The following CDH17 variants were observed in gnomAD, a reference collection of about 807,000 sequenced individuals.
CDH17 encodes the protein cadherin 17, also known as cadherin-17.
In CDH17, 67 loss-of-function variants were observed where a neutral mutation model predicts 86.3. The observed-to-expected ratio is 0.78, with a 90% CI of 0.64 to 0.95. The LOEUF (loss-of-function observed/expected upper bound fraction) is 0.95, where lower values mean the gene tolerates loss of function less well. CDH17 is among the 40% of genes least tolerant of loss of function. The pLI is 0.00. For missense variants in CDH17, 993 were observed against 1,017.6 expected (o/e 0.98, Z 0.33); for synonymous variants, 367 against 366.4 (o/e 1.00, Z -0.02).
At chr8:94,206,823 G>T (rs937947706) in intron 1 of CDH17, among the ~76,000 whole-genome samples, 1 of 151,670 alleles carries the variant, frequency 6.6e-6, no homozygotes. Flanking sequence ...TAATTTTCTT[G>T]TACAGTCTGG....
chr8:94,159,758 G>A (rs1316473242), intron 12 of CDH17, among the ~76,000 whole-genome samples: 1 of 151,890 alleles, frequency 6.6e-6, no homozygotes, highest in East Asian at 1.9e-4. Context: ...AAAGTTACTT[G>A]GCTAGCTAGC....
At chr8:94,159,820 C>A (rs550224098) in intron 12 of CDH17, 151 bp downstream of exon 12, 3 of 522,508 alleles carry the variant, frequency 5.7e-6, no homozygotes, top group Non-Finnish European at 9.5e-6. Context: ...AAGACAGGAA[C>A]GACTAAGAGG....
chr8:94,157,210 G>A (rs903529003), intron 12 of CDH17, among the ~76,000 whole-genome samples: 18 of 152,294 alleles, frequency 1.2e-4, no homozygotes, highest in South Asian at 1.0e-3. Flanking sequence ...ATATAATTGT[G>A]ATTAACAAAC....
chr8:94,157,984 C>T (rs1324117495), intron 12 of CDH17, among the ~76,000 whole-genome samples: 1 of 152,158 alleles, frequency 6.6e-6, no homozygotes, highest in Non-Finnish European at 1.5e-5. Flanking sequence ...AGATTGTACC[C>T]TGCAGAGTTC....
intron 15 of CDH17, among the ~76,000 whole-genome samples, chr8:94,144,817 T>G (rs765148558): frequency 6.6e-6 from 1 of 152,162 alleles, no homozygotes; most frequent in Non-Finnish European, 1.5e-5. Context: ...AACTCAGCAA[T>G]AGAATCCAAA....
At chr8:94,209,992 A>T (rs1817244), upstream of CDH17, among the ~76,000 whole-genome samples, 112,621 of 151,642 alleles carry the variant, frequency 0.74, 42,857 homozygotes, top group African/African-American at 0.87. Context: ...AATAACAATG[A>T]TCGTGACATG....
chr8:94,201,976 C>A, intron 1 of CDH17: 1 of 232,238 alleles, frequency 4.3e-6, no homozygotes, highest in South Asian at 7.2e-5. Flanking sequence ...GCAGGTAGCC[C>A]TGGAGCTGAG....
At chr8:94,136,763 C>G (rs1305000448) in intron 15 of CDH17, among the ~76,000 whole-genome samples, 2 of 152,112 alleles carry the variant, frequency 1.3e-5, no homozygotes, top group Admixed American at 1.3e-4. Flanking sequence ...TCTGGTTTCT[C>G]TCCACCTTTG....
At chr8:94,213,837 G>A (rs994006608) in intron 1 of CDH17, among the ~76,000 whole-genome samples, 8 of 152,104 alleles carry the variant, frequency 5.3e-5, no homozygotes, top group Admixed American at 1.3e-4. Context: ...CCTTTACCCC[G>A]GCTTCCTTGC....
intron 10 of CDH17, among the ~76,000 whole-genome samples, chr8:94,165,224 T>G (rs1813129454): frequency 6.6e-6 from 1 of 152,142 alleles, no homozygotes; most frequent in African/African-American, 2.4e-5. Flanking sequence ...CACTGAGACC[T>G]CAACTCCCCT....
chr8:94,199,070 TATATATATATATA>T lies in CDH17; in HGVS notation c.-20-4378_-20-4366del, dbSNP rs1209756049. On this transcript the variant is annotated intron_variant, in intron 1 of 17. Coordinates refer to ENST00000027335, the MANE Select transcript of CDH17 (RefSeq NM_004063.4). ...ATATATATATATATATATATATATA[TATATATATATATA>T]TTTTTTTTTTTTTATCATTTGTCTG... Among the ~76,000 whole-genome samples the T allele has an allele frequency of 5.0e-3, 85 of 16,852 alleles. 1 individual carries two copies. The highest frequency in any genetic ancestry group is 6.7e-3 in the Non-Finnish European group (31 of 4,628). The allele number at this position is 16,852 out of a possible 152,430, so 11.1% of individuals were successfully genotyped here. A position where few individuals can be genotyped will look rare whatever the true frequency, so the allele number is the denominator to read the frequency against.
chr8:94,184,776 C>G (rs1375588200), intron 3 of CDH17, among the ~76,000 whole-genome samples: 1 of 152,138 alleles, frequency 6.6e-6, no homozygotes, highest in East Asian at 1.9e-4. Context: ...ATCACACTGT[C>G]TGATGATATG....
chr8:94,148,721 G>GTTTTT (rs151133817), intron 14 of CDH17, 23 bp downstream of exon 14: 62 of 1,123,018 alleles, frequency 5.5e-5, no homozygotes, highest in African/African-American at 5.4e-4. Context: ...CTTTTTTTTT[G>GTTTTT]TTTTTTTTTT....
At chr8:94,160,266 G>T in intron 11 of CDH17, 104 bp from the exon 12 acceptor site, 2 of 826,904 alleles carry the variant, frequency 2.4e-6, no homozygotes, top group South Asian at 2.0e-5. Context: ...GTCATAGTTT[G>T]CATCAATCTT....
chr8:94,147,448 A>G (rs1378888544), intron 14 of CDH17, among the ~76,000 whole-genome samples: 1 of 152,056 alleles, frequency 6.6e-6, no homozygotes, highest in Non-Finnish European at 1.5e-5. Context: ...CTCTTCTCCA[A>G]TTCAGCTCTC....
intron 3 of CDH17, 65 bp downstream of exon 3, chr8:94,189,122 G>A (rs1813636474): frequency 9.5e-7 from 1 of 1,057,348 alleles, no homozygotes; most frequent in Non-Finnish European, 1.4e-6. Flanking sequence ...CAATAGATAA[G>A]GAAGTAAAAG....
intron 15 of CDH17, among the ~76,000 whole-genome samples, chr8:94,145,698 A>G (rs756618102): frequency 2.6e-5 from 4 of 151,778 alleles, no homozygotes; most frequent in Non-Finnish European, 5.9e-5. Flanking sequence ...AGGTCATCCA[A>G]CTGTTCATCT....
At chr8:94,211,465 C>T (rs1440952409), upstream of CDH17, among the ~76,000 whole-genome samples, 3 of 152,160 alleles carry the variant, frequency 2.0e-5, no homozygotes, top group African/African-American at 7.2e-5. Flanking sequence ...GTGCCCACCA[C>T]CACACCCGGC....
chr8:94,181,296 A>G (rs1813480511), intron 3 of CDH17, among the ~76,000 whole-genome samples: 2 of 152,198 alleles, frequency 1.3e-5, no homozygotes, highest in Admixed American at 6.5e-5. Flanking sequence ...ATAAGGAAAC[A>G]GAAGACTTGA....
Sources: gnomAD v4.1 joint callset for allele counts (sites outside exome capture counted in the v4.1 genomes callset) on GRCh38, gnomAD v4.1.1 for gene constraint, MANE v1.5 for transcripts, NCBI Gene and HGNC (gene_info 2026-07-23, HGNC 2026-07-21) for gene names.